Variants in RASGRP3 observed in about 807,000 individuals in gnomAD.
RASGRP3 encodes the protein RAS guanyl releasing protein 3, also known as ras guanyl-releasing protein 3.
In RASGRP3, 54 loss-of-function variants were observed where a neutral mutation model predicts 82.7. The observed-to-expected ratio is 0.65, with a 90% CI of 0.52 to 0.82. The LOEUF is 0.82. Among genes scored for constraint, RASGRP3 ranks in the 40% least tolerant of loss-of-function variants. The pLI, the probability that RASGRP3 is intolerant of heterozygous loss-of-function variation, is 0.00. For synonymous variants in RASGRP3, 309 were observed against 300.5 expected (o/e 1.03, Z -0.29); for missense variants, 861 against 828.9 (o/e 1.04, Z -0.48).
rs1296005596 is a variant in RASGRP3, at chr2:33,540,405, G to T, written c.1278+1195G>T. 2.1e-5 allele frequency among the ~76,000 whole-genome samples: 3 copies of T among 146,076 alleles called. 1 individual carries two copies. The highest frequency in any genetic ancestry group is 4.6e-5 in the Non-Finnish European group (3 of 65,118). On this transcript the variant is annotated intron_variant, in intron 12 of 17. Coordinates refer to ENST00000403687, the MANE Select transcript of RASGRP3 (RefSeq NM_001139488.2). ...TGAGAAAAGGATCCAGGGGTCCCCAGGGAATGCAAGGACTGAGCTGCAGCT... is the reference window on the plus strand; with the variant it reads ...TGAGAAAAGGATCCAGGGGTCCCCATGGAATGCAAGGACTGAGCTGCAGCT...
At chr2:33,502,660 G>A (rs539466058) in intron 1 of RASGRP3, among the ~76,000 whole-genome samples, 1 of 151,574 alleles carries the variant, frequency 6.6e-6, no homozygotes, top group African/African-American at 2.4e-5. Context: ...CTACAGGCAC[G>A]CACCACCACA....
At chr2:33,445,936 C>T (rs7603061) in intron 1 of RASGRP3, among the ~76,000 whole-genome samples, 43,202 of 151,914 alleles carry the variant, frequency 0.28, 7,736 homozygotes, top group Non-Finnish European at 0.39. Flanking sequence ...AGCAAATTTA[C>T]CAACGAAAAA....
At chr2:33,466,269 C>G (rs1008271769) in intron 2 of RASGRP3, among the ~76,000 whole-genome samples, 1 of 152,194 alleles carries the variant, frequency 6.6e-6, no homozygotes, top group African/African-American at 2.4e-5. Context: ...ATTCACTATT[C>G]TAGGTGCCAT....
intron 2 of RASGRP3, among the ~76,000 whole-genome samples, chr2:33,449,266 C>G (rs1665659339): frequency 6.6e-6 from 1 of 152,208 alleles, no homozygotes; most frequent in Non-Finnish European, 1.5e-5. Context: ...ACAAAGTATG[C>G]AGAGTTACCT....
chr2:33,546,348 G>A lies in RASGRP3; in HGVS notation c.1394+2721G>A, dbSNP rs184712706. 7.3e-4 allele frequency among the ~76,000 whole-genome samples: 110 copies of A among 151,376 alleles called. 1 individual carries two copies. The East Asian group carries it at 0.014, about 19-fold the overall frequency. On this transcript the variant is annotated intron_variant, in intron 13 of 17. Transcript: ENST00000403687. ...TGAGGCAGGAGAATGGCATGAACCC[G>A]CGAGGCGGAGCTTGCAGTGAGCCAA...
intron 10 of RASGRP3, 189 bp from the exon 11 acceptor site, chr2:33,534,134 T>G (rs1673368414): frequency 3.4e-6 from 2 of 586,682 alleles, no homozygotes; most frequent in Non-Finnish European, 6.0e-6. Flanking sequence ...ATACTGATGA[T>G]TAACCAGGAT....
chr2:33,516,884 G>T (rs971272651), intron 4 of RASGRP3: 2 of 361,482 alleles, frequency 5.5e-6, no homozygotes, highest in Non-Finnish European at 9.9e-6. Context: ...AAATGAAGCA[G>T]GAACTGTAGG....
At position 33,490,145 on chromosome 2, in the gene RASGRP3, C is replaced by G. The variant is rs1268857816; in HGVS notation, c.-261+13438C>G. Among the ~76,000 whole-genome samples the G allele has an allele frequency of 6.6e-5, 10 of 152,110 alleles. No individual in the cohort carries two copies. The East Asian group carries it at 1.9e-3, about 29-fold the overall frequency. On this transcript the variant is annotated intron_variant, in intron 1 of 17. Transcript: ENST00000403687. Reference sequence around the variant, plus strand: ...ATTATAACTGGAACCCATTCTCTTCCCTTTGGTTATCTTCTCTTCCTTCTG... The same window carrying G: ...ATTATAACTGGAACCCATTCTCTTCGCTTTGGTTATCTTCTCTTCCTTCTG...
chr2:33,521,833 G>A, intron 6 of RASGRP3, 122 bp from the exon 7 acceptor site: 1 of 1,147,422 alleles, frequency 8.7e-7, no homozygotes, highest in Non-Finnish European at 1.2e-6. Flanking sequence ...ATGAAAGACA[G>A]GGCATGTATT....
At chr2:33,449,132 G>C (rs1289994948) in intron 2 of RASGRP3, among the ~76,000 whole-genome samples, 1 of 152,228 alleles carries the variant, frequency 6.6e-6, no homozygotes, top group South Asian at 2.1e-4. Flanking sequence ...CTGTGCAAGT[G>C]TGATTGAGAC....
chr2:33,449,191 A>T (rs1414667997), intron 2 of RASGRP3, among the ~76,000 whole-genome samples: 2 of 152,242 alleles, frequency 1.3e-5, no homozygotes, highest in African/African-American at 4.8e-5. Flanking sequence ...TACCAGACAT[A>T]AGATCAGGTG....
At chr2:33,532,792 T>G (rs1401464635) in intron 10 of RASGRP3, 1 of 152,242 alleles carries the variant, frequency 6.6e-6, no homozygotes, top group East Asian at 1.9e-4. Context: ...TATGAAGTCC[T>G]TAATTTAAAT....
chr2:33,556,233 T>A (rs1675939009), intron 15 of RASGRP3, among the ~76,000 whole-genome samples: 1 of 18,684 alleles, frequency 5.4e-5, no homozygotes. Context: ...CTAATAATCT[T>A]TTTTTTTTTT....
Position 33,500,701 on chromosome 2 carries a change from C to T in RASGRP3, c.-260-11009C>T, listed in dbSNP as rs145589811. ...CTGTAATCCCAGCACTTTGGGAGGC[C>T]GAGGCAGGCGGATCACAAGGTCAGG... is the stretch of plus-strand genomic sequence containing the variant. On this transcript the variant is annotated intron_variant, in intron 1 of 17. Transcript: ENST00000403687. 2.5e-4 allele frequency among the ~76,000 whole-genome samples: 38 copies of T among 152,178 alleles called. 1 individual carries two copies. The East Asian group carries it at 6.2e-3, about 25-fold the overall frequency.
chr2:33,477,571 C>T (rs1292152729), intron 1 of RASGRP3, among the ~76,000 whole-genome samples: 5 of 152,208 alleles, frequency 3.3e-5, no homozygotes, highest in Admixed American at 2.0e-4. Flanking sequence ...ACGGAGAGAA[C>T]CGGCTCCTTC....
chr2:33,497,818 G>A lies in RASGRP3; in HGVS notation c.-260-13892G>A, dbSNP rs1291597678. ...TGGGTGGTATGCCCAGAGACAGCTA[G>A]TTTTAATCTACCAAAATAATGAATA... is the stretch of plus-strand genomic sequence containing the variant. On this transcript the variant is annotated intron_variant, in intron 1 of 17. Transcript: ENST00000403687. 2.0e-5 allele frequency among the ~76,000 whole-genome samples: 3 copies of A among 152,262 alleles called. No homozygotes were observed. In the East Asian group the frequency reaches 5.8e-4, roughly 29 times the overall value.
chr2:33,551,411 T>C (rs904803458), intron 14 of RASGRP3, among the ~76,000 whole-genome samples: 2 of 152,174 alleles, frequency 1.3e-5, no homozygotes, highest in South Asian at 2.1e-4. Flanking sequence ...GATGGGGCCG[T>C]GCATAACACG....
At chr2:33,500,710 C>T (rs1194617332) in intron 1 of RASGRP3, among the ~76,000 whole-genome samples, 4 of 152,050 alleles carry the variant, frequency 2.6e-5, no homozygotes, top group East Asian at 1.9e-4. Context: ...CCGAGGCAGG[C>T]GGATCACAAG....
intron 2 of RASGRP3, among the ~76,000 whole-genome samples, chr2:33,449,500 G>T (rs151218099): frequency 6.6e-6 from 1 of 152,260 alleles, no homozygotes; most frequent in African/African-American, 2.4e-5. Flanking sequence ...GGTGGCTCAC[G>T]CCTGTAATCC....
Sources: gnomAD v4.1 joint callset for allele counts (sites outside exome capture counted in the v4.1 genomes callset) on GRCh38, gnomAD v4.1.1 for gene constraint, MANE v1.5 for transcripts, NCBI Gene and HGNC (gene_info 2026-07-23, HGNC 2026-07-21) for gene names.